CNTNAP2: variants seen among roughly 807,000 people sequenced by gnomAD.
CNTNAP2 encodes contactin-associated protein-like 2.
A neutral mutation model predicts 155.2 loss-of-function variants in CNTNAP2; 98 were observed. The ratio of observed to expected loss-of-function variants is 0.63; its 90% CI spans 0.54 to 0.75. The LOEUF (loss-of-function observed/expected upper bound fraction) is 0.75. Ranked by LOEUF, CNTNAP2 falls within the 30% of genes least tolerant of loss-of-function variation. The pLI is 0.00. For synonymous variants in CNTNAP2, 651 were observed against 631.2 expected (o/e 1.03, Z -0.47); for missense variants, 1,727 against 1,688.1 (o/e 1.02, Z -0.40).
chr7:146,972,681 C>A (rs140141192), intron 3 of CNTNAP2, among the ~76,000 whole-genome samples: 247 of 152,240 alleles, frequency 1.6e-3, no homozygotes, highest in African/African-American at 5.8e-3. Context: ...TGCCTTGAAT[C>A]TTGTAGCTTA....
At chr7:147,966,983 C>G (rs373395653) in intron 14 of CNTNAP2, among the ~76,000 whole-genome samples, 28 of 151,962 alleles carry the variant, frequency 1.8e-4, no homozygotes, top group African/African-American at 6.5e-4. Context: ...ACTATTCACT[C>G]TAATTTTAAA....
intron 21 of CNTNAP2, among the ~76,000 whole-genome samples, chr7:148,281,420 C>T (rs987180950): frequency 6.6e-6 from 1 of 152,088 alleles, no homozygotes; most frequent in Non-Finnish European, 1.5e-5. Context: ...GTTGCCTTTG[C>T]GTTTTACTAT....
At chr7:147,238,414 C>G (rs1412818986) in intron 8 of CNTNAP2, among the ~76,000 whole-genome samples, 1 of 152,004 alleles carries the variant, frequency 6.6e-6, no homozygotes, top group African/African-American at 2.4e-5. Context: ...CACACACACA[C>G]ACACACACAC....
intron 20 of CNTNAP2, among the ~76,000 whole-genome samples, chr7:148,251,227 C>T (rs1215992762): frequency 3.3e-5 from 5 of 152,158 alleles, no homozygotes; most frequent in African/African-American, 9.7e-5. Flanking sequence ...CCCACTACTC[C>T]CTCAGGTCAA....
chr7:147,485,565 TA>T (rs2116637207), intron 10 of CNTNAP2, among the ~76,000 whole-genome samples: 1 of 152,328 alleles, frequency 6.6e-6, no homozygotes, highest in African/African-American at 2.4e-5. Context: ...TGACAAAGAA[TA>T]GAATAAAACA....
intron 2 of CNTNAP2, among the ~76,000 whole-genome samples, chr7:146,817,529 G>C (rs1303692186): frequency 3.9e-5 from 6 of 151,966 alleles, no homozygotes; most frequent in Non-Finnish European, 8.8e-5. Context: ...GGTTTTATTG[G>C]CCATGGTTCT....
Position 147,093,384 on chromosome 7 carries a change from CAT to C in CNTNAP2, c.551-14758_551-14757del, listed in dbSNP as rs550110263. Among the ~76,000 whole-genome samples, 537 of 152,008 alleles carry C rather than the reference CAT, an allele frequency of 3.5e-3. 6 individuals are homozygous for C. Among genetic ancestry groups the C allele is most frequent in the African/African-American group, 0.013 (522 of 41,450 alleles). ...TTAAATATTTATTATATTCTGCTGA[CAT>C]ATATGTGGTAGTTTGAAATGGTTCT... On this transcript the variant is annotated intron_variant, in intron 4 of 23. Transcript: ENST00000361727.
chr7:147,608,436 T>C (rs533577624), intron 12 of CNTNAP2, among the ~76,000 whole-genome samples: 8 of 152,206 alleles, frequency 5.3e-5, no homozygotes, highest in African/African-American at 1.9e-4. Context: ...TGGTAGGATC[T>C]ATAACCCCAT....
At chr7:147,167,919 A>G (rs1802146309) in intron 8 of CNTNAP2, among the ~76,000 whole-genome samples, 1 of 151,720 alleles carries the variant, frequency 6.6e-6, no homozygotes, top group African/African-American at 2.4e-5. Context: ...ATAAAGTTGT[A>G]TTTCAAATAT....
intron 1 of CNTNAP2, among the ~76,000 whole-genome samples, chr7:146,348,242 A>C (rs1209885830): frequency 3.9e-5 from 6 of 152,050 alleles, no homozygotes; most frequent in Non-Finnish European, 7.4e-5. Context: ...AATATAGCAA[A>C]ACCCTGTCTC....
chr7:147,998,629 G>A (rs887775963), intron 15 of CNTNAP2, among the ~76,000 whole-genome samples: 3 of 152,174 alleles, frequency 2.0e-5, no homozygotes, highest in Non-Finnish European at 4.4e-5. Context: ...TGGTGGAGTG[G>A]GTAGAAGGCT....
chr7:147,364,332 T>A (rs575600674), intron 9 of CNTNAP2, among the ~76,000 whole-genome samples: 1 of 152,328 alleles, frequency 6.6e-6, no homozygotes, highest in East Asian at 1.9e-4. Context: ...GAAAATTATA[T>A]GTGTAACTTT....
At chr7:147,326,739 C>T (rs981127661) in intron 9 of CNTNAP2, among the ~76,000 whole-genome samples, 4 of 152,190 alleles carry the variant, frequency 2.6e-5, no homozygotes, top group Non-Finnish European at 4.4e-5. Context: ...AACAGCTCTT[C>T]TAGTGGGTGT....
rs536543482 is a variant in CNTNAP2, at chr7:148,222,105, G to A, written c.3247+4581G>A. On this transcript the variant is annotated intron_variant, in intron 19 of 23. Transcript: ENST00000361727. ...CCCATCACCCATCTGTAGGACAGCC[G>A]TGGGCTTCAGCTTGTTGGCTGGGAA... Among the ~76,000 whole-genome samples, 65 of 152,230 alleles carry A rather than the reference G, an allele frequency of 4.3e-4. 1 individual carries two copies. In the South Asian group the frequency reaches 0.011, roughly 27 times the overall value.
At chr7:147,410,965 G>A (rs760266261) in intron 10 of CNTNAP2, among the ~76,000 whole-genome samples, 1 of 152,108 alleles carries the variant, frequency 6.6e-6, no homozygotes, top group Non-Finnish European at 1.5e-5. Flanking sequence ...TGTTGGTCTT[G>A]TCCACAGATG....
At chr7:147,164,745 C>A (rs766443751) in intron 8 of CNTNAP2, among the ~76,000 whole-genome samples, 7 of 152,106 alleles carry the variant, frequency 4.6e-5, no homozygotes, top group Non-Finnish European at 1.0e-4. Context: ...TCTAAATATG[C>A]GCTTTTCAAA....
intron 1 of CNTNAP2, among the ~76,000 whole-genome samples, chr7:146,746,373 TGAG>T (rs1438960619): frequency 1.3e-5 from 2 of 152,212 alleles, no homozygotes; most frequent in African/African-American, 4.8e-5. Context: ...ATGAAATAAT[TGAG>T]GACATTTTTG....
intron 8 of CNTNAP2, among the ~76,000 whole-genome samples, chr7:147,232,868 A>G (rs1803715761): frequency 6.6e-6 from 1 of 152,198 alleles, no homozygotes; most frequent in Admixed American, 6.5e-5. Context: ...AGCAAAATAA[A>G]CCATGTAAAA....
At chr7:147,937,313 C>T (rs1330344682) in intron 14 of CNTNAP2, among the ~76,000 whole-genome samples, 4 of 152,152 alleles carry the variant, frequency 2.6e-5, no homozygotes, top group African/African-American at 9.7e-5. Context: ...TTTAAATTGC[C>T]TTTCCCAGCT....
Sources: allele counts gnomAD v4.1 joint callset (sites outside exome capture counted in the v4.1 genomes callset), GRCh38; gene constraint gnomAD v4.1.1; transcripts MANE v1.5; gene names NCBI Gene and HGNC (gene_info 2026-07-23, HGNC 2026-07-21).